The following CHP1 variants were observed in gnomAD, a reference collection of about 807,000 sequenced individuals.
CHP1 encodes the protein calcineurin B homologous protein 1.
In CHP1, 11 loss-of-function variants were observed where a neutral mutation model predicts 27.4. The ratio of observed to expected loss-of-function variants is 0.40; its 90% CI spans 0.25 to 0.67. The LOEUF (loss-of-function observed/expected upper bound fraction) is 0.67. CHP1 is among the 30% of genes least tolerant of loss of function. The pLI is 0.38. For missense variants in CHP1, 169 were observed against 251.3 expected (o/e 0.67, Z 2.22); for synonymous variants, 89 against 87.4 (o/e 1.02, Z -0.10).
Position 41,279,609 on chromosome 15 carries a change from T to G in CHP1, c.*220T>G. On this transcript the variant is annotated 3_prime_UTR_variant, in exon 7 of 7. Coordinates refer to ENST00000334660, the MANE Select transcript of CHP1 (RefSeq NM_007236.5). ...CCTATATATTTCTGTTCAGTATCCATTCACTAGTTCTTCATTTATAAATAT... is the reference window on the plus strand; with the variant it reads ...CCTATATATTTCTGTTCAGTATCCAGTCACTAGTTCTTCATTTATAAATAT... 2.1e-6 allele frequency: 1 copy of G among 479,006 alleles called. No individual in the cohort carries two copies. Among genetic ancestry groups the G allele is most frequent in the Non-Finnish European group, 3.7e-6 (1 of 269,472 alleles). 29.7% of individuals were successfully genotyped at this position (479,006 alleles called of 1,614,324 possible).
rs1007194293 is a variant in CHP1 at position 41,247,947 on chromosome 15, C to T, written c.140+4208C>T. Among the ~76,000 whole-genome samples the T allele has an allele frequency of 8.5e-4, 129 of 151,442 alleles. 2 individuals are homozygous for T. The highest frequency in any genetic ancestry group is 1.6e-3 in the Admixed American group (25 of 15,156). ...TCACACCACCATACTCCAGCCTGGG[C>T]GACAGAGCAAGACTCCGTCTCAAAT... is the stretch of plus-strand genomic sequence containing the variant. On this transcript the variant is annotated intron_variant, in intron 2 of 6. Transcript: ENST00000334660.
At chr15:41,267,259 T>C (rs986488205) in intron 4 of CHP1, among the ~76,000 whole-genome samples, 2 of 151,606 alleles carry the variant, frequency 1.3e-5, no homozygotes. Flanking sequence ...TATGGGGAGA[T>C]GGATGGTGGT....
chr15:41,257,078 C>A, intron 3 of CHP1, 88 bp downstream of exon 3: 3 of 995,260 alleles, frequency 3.0e-6, no homozygotes, highest in South Asian at 1.5e-5. Context: ...TTGGTTGTGC[C>A]ATCTCAGACT....
chr15:41,278,332 CAAAAAAAAAA>C (rs61453137), intron 5 of CHP1, among the ~76,000 whole-genome samples: 1 of 78,560 alleles, frequency 1.3e-5, no homozygotes. Flanking sequence ...GACTCCGTCT[CAAAAAAAAAA>C]AAAAAAAAGG....
chr15:41,263,084 T>C (rs1282244608), intron 4 of CHP1, among the ~76,000 whole-genome samples: 1 of 152,224 alleles, frequency 6.6e-6, no homozygotes, highest in African/African-American at 2.4e-5. Context: ...TTAACCTCTT[T>C]GGGCTTCAGT....
In CHP1 at chr15:41,262,763, C is replaced by G; in HGVS notation, c.229C>G (p.Gln77Glu). The change falls in exon 4 of 7, where the codon CAG becomes GAG. Residue 77 changes from glutamine to glutamate, a missense_variant. Transcript: ENST00000334660. ...INAFFPEGED[Q>E]VNFRGFMRTL... ...GTTATATTTCACAATCAGAGAGGAC[C>G]AGGTAAACTTCCGTGGATTCATGCG... 1 of 1,612,538 alleles carries G rather than the reference C, an allele frequency of 6.2e-7. No individual in the cohort carries two copies. Among genetic ancestry groups the G allele is most frequent in the Non-Finnish European group, 8.5e-7 (1 of 1,179,900 alleles).
rs550415563 is a variant in CHP1 at position 41,263,668 on chromosome 15, A to G, written c.349+785A>G. Among the ~76,000 whole-genome samples the G allele has an allele frequency of 1.2e-4, 19 of 152,308 alleles. No individual in the cohort carries two copies. The East Asian group carries it at 3.5e-3, about 28-fold the overall frequency. On this transcript the variant is annotated intron_variant, in intron 4 of 6. Coordinates refer to ENST00000334660, the MANE Select transcript of CHP1 (RefSeq NM_007236.5). ...GGTAGGTAGATCACTTGAGCCCAGG[A>G]GTTTGAGACCAGCCTGGGCAACATG...
At chr15:41,265,363 CAAAAAAAAAAAAAAAAAAAA>C (rs544658200) in intron 4 of CHP1, among the ~76,000 whole-genome samples, 4 of 36,920 alleles carry the variant, frequency 1.1e-4, no homozygotes, top group African/African-American at 2.8e-4. Context: ...GACTCTGTCT[CAAAAAAAAAAAAAAAAAAAA>C]AAAAAAAAAA....
chr15:41,251,130 C>T (rs1222544411), intron 2 of CHP1, among the ~76,000 whole-genome samples: 1 of 152,042 alleles, frequency 6.6e-6, no homozygotes, highest in Admixed American at 6.6e-5. Context: ...CTGTGCCTGG[C>T]CCAGAGGATG....
chr15:41,261,150 C>T (rs566281966), intron 3 of CHP1, among the ~76,000 whole-genome samples: 1 of 146,402 alleles, frequency 6.8e-6, no homozygotes. Flanking sequence ...TTTCCTTTCC[C>T]TTTCCTTTCC....
Position 41,278,856 on chromosome 15 carries a change from G to A in CHP1, c.501G>A (p.Gly167=). The A allele has an allele frequency of 6.2e-7, 1 of 1,614,154 alleles. No homozygotes were observed. ...DRTIQEADQD[G]DSAISFTEFV... ...CCATTCAGGAGGCTGATCAGGATGG[G>A]GACAGTGCCATATCTTTCACAGAAT... The change falls in exon 6 of 7, where the codon GGG becomes GGA. Residue 167 remains glycine, a synonymous_variant. Transcript: ENST00000334660.
At chr15:41,254,307 C>T (rs1280556395) in intron 2 of CHP1, among the ~76,000 whole-genome samples, 1 of 152,132 alleles carries the variant, frequency 6.6e-6, no homozygotes, top group Non-Finnish European at 1.5e-5. Context: ...TTTAAACTGC[C>T]TTTTCTCAGC....
At chr15:41,270,145 G>A (rs74881545) in intron 4 of CHP1, among the ~76,000 whole-genome samples, 4,568 of 152,158 alleles carry the variant, frequency 0.03, 243 homozygotes, top group African/African-American at 0.1. Context: ...TATTCCCAAA[G>A]CTGTGGTCAG....
chr15:41,231,746 T>C (rs2047244827), intron 1 of CHP1, among the ~76,000 whole-genome samples: 1 of 152,018 alleles, frequency 6.6e-6, no homozygotes, highest in South Asian at 2.1e-4. Context: ...ACTCCTTTCC[T>C]TTCTGTTGCC....
intron 1 of CHP1, among the ~76,000 whole-genome samples, chr15:41,237,316 G>A (rs1008809424): frequency 1.3e-5 from 2 of 149,314 alleles, no homozygotes; most frequent in African/African-American, 4.9e-5. Flanking sequence ...CTGGCTAATT[G>A]TTTTTATTTT....
At chr15:41,259,715 T>C (rs557917432) in intron 3 of CHP1, among the ~76,000 whole-genome samples, 8 of 152,342 alleles carry the variant, frequency 5.3e-5, no homozygotes, top group Non-Finnish European at 1.0e-4. Context: ...CCATTAGCAG[T>C]ATAGATACAT....
intron 5 of CHP1, 127 bp downstream of exon 5, chr15:41,270,745 A>G (rs2047484538): frequency 1.4e-6 from 1 of 723,052 alleles, no homozygotes; most frequent in South Asian, 1.8e-5. Flanking sequence ...TGTCCTGGTT[A>G]TAAGACAAAG....
At chr15:41,256,416 C>T (rs1179464498) in intron 2 of CHP1, among the ~76,000 whole-genome samples, 1 of 152,122 alleles carries the variant, frequency 6.6e-6, no homozygotes, top group Non-Finnish European at 1.5e-5. Flanking sequence ...AATTGGTTGT[C>T]ACATTATTTC....
intron 5 of CHP1, chr15:41,272,092 G>A (rs906208871): frequency 1.9e-4 from 29 of 152,202 alleles, no homozygotes; most frequent in African/African-American, 7.0e-4. Context: ...TATCTTGATT[G>A]TGAGGATGGT....
Sources: allele counts gnomAD v4.1 joint callset (sites outside exome capture counted in the v4.1 genomes callset), GRCh38; gene constraint gnomAD v4.1.1; transcripts MANE v1.5; gene names NCBI Gene and HGNC (gene_info 2026-07-23, HGNC 2026-07-21).